The following PAK3 variants were observed in gnomAD, a reference collection of about 807,000 sequenced individuals.
PAK3 encodes the protein p21 (RAC1) activated kinase 3, also known as serine/threonine-protein kinase PAK 3.
PAK3 carries 4 observed loss-of-function variants against 41.0 expected under a neutral mutation model. The ratio of observed to expected loss-of-function variants is 0.10; its 90% confidence interval spans 0.05 to 0.22. The LOEUF (loss-of-function observed/expected upper bound fraction) is 0.22, where lower values mean the gene tolerates loss of function less well. PAK3 is among the 10% of genes least tolerant of loss of function. PAK3 has a pLI of 1.00. For missense variants in PAK3, 205 were observed against 409.9 expected, an observed-to-expected ratio of 0.50 and a Z score of 4.32; for synonymous variants, 146 against 139.6, an observed-to-expected ratio of 1.05 and a Z score of -0.32.
At chrX:111,201,135 CTGTA>C (rs1233091358) in intron 16 of PAK3, among the ~76,000 whole-genome samples, 1 of 112,436 alleles carries the variant, frequency 8.9e-6, no homozygotes, top group African/African-American at 3.2e-5. Flanking sequence ...TCATTACTCT[CTGTA>C]TGTGTGATCA....
intron 1 of PAK3, among the ~76,000 whole-genome samples, chrX:111,096,909 C>CACAA (rs1319991693): frequency 2.8e-5 from 3 of 109,080 alleles, no homozygotes; most frequent in Non-Finnish European, 5.8e-5. Context: ...CACACACACA[C>CACAA]ACGAGGAAAG....
chrX:111,109,103 G>A (rs780199895), intron 4 of PAK3, among the ~76,000 whole-genome samples: 1 of 111,792 alleles, frequency 8.9e-6, no homozygotes, highest in Non-Finnish European at 1.9e-5. Flanking sequence ...CTAAGATCAA[G>A]TGAAGAGAAA....
chrX:111,141,693 T>G (rs2093874858), intron 5 of PAK3, among the ~76,000 whole-genome samples: 1 of 112,074 alleles, frequency 8.9e-6, no homozygotes, highest in Non-Finnish European at 1.9e-5. Flanking sequence ...ATATCTTTAT[T>G]GAAAGCTGAA....
rs756420043 is a variant in PAK3, at chrX:111,219,886, AT to A, written c.1546-471del. Among the ~76,000 whole-genome samples, 293 of 111,684 alleles carry A rather than the reference AT, an allele frequency of 2.6e-3. 2 individuals carry two copies. The highest frequency in any genetic ancestry group is 9.1e-3 in the African/African-American group (279 of 30,749). On this transcript the variant is annotated intron_variant, in intron 17 of 17. Transcript: ENST00000372007. ...GTCACAGGCTTCTGAGGCAAAAAAA[AT>A]AAATTAAAAAAATTCAAAGAAGGAA...
intron 1 of PAK3, among the ~76,000 whole-genome samples, chrX:111,056,713 A>C (rs1445581013): frequency 8.9e-6 from 1 of 112,255 alleles, no homozygotes; most frequent in Non-Finnish European, 1.9e-5. Context: ...AAATTGCTAC[A>C]TAATGTGGCA....
intron 1 of PAK3, among the ~76,000 whole-genome samples, chrX:111,047,986 G>GA (rs199593589): frequency 3.6e-5 from 4 of 110,802 alleles, no homozygotes; most frequent in East Asian, 2.9e-4. Flanking sequence ...ACACTGTCTA[G>GA]AAAAAAAAGT....
Position 111,207,027 on chromosome X carries a change from G to A in PAK3, c.1408-9394G>A, listed in dbSNP as rs535599326. Among the ~76,000 whole-genome samples, 5 of 109,552 alleles carry A rather than the reference G, an allele frequency of 4.6e-5. No individual in the cohort carries two copies. The Admixed American group carries it at 4.9e-4, about 11-fold the overall frequency. On this transcript the variant is annotated intron_variant, in intron 16 of 17. Coordinates refer to ENST00000372007, the MANE Select transcript of PAK3 (RefSeq NM_002578.5). ...AGAATCAGATTAGGAGTCAGTTGCA[G>A]GCAACAACCAGCTGCATATAAACCT...
chrX:111,107,725 C>T (rs1197062812), intron 4 of PAK3, among the ~76,000 whole-genome samples: 1 of 111,927 alleles, frequency 8.9e-6, no homozygotes, highest in Non-Finnish European at 1.9e-5. Context: ...CAACTCCCTG[C>T]CATTAGATTG....
chrX:111,164,777 G>A (rs1478043816), intron 10 of PAK3, among the ~76,000 whole-genome samples: 1 of 112,072 alleles, frequency 8.9e-6, no homozygotes, highest in African/African-American at 3.2e-5. Context: ...ACAATAGAAT[G>A]AAACTTTCCT....
At chrX:111,145,140 C>T (rs1033502079) in intron 6 of PAK3, among the ~76,000 whole-genome samples, 6 of 111,796 alleles carry the variant, frequency 5.4e-5, no homozygotes, top group African/African-American at 1.3e-4. Context: ...AGTTCCTCAA[C>T]GTGGCATAAT....
At chrX:111,105,197 T>A (rs2093231346) in intron 4 of PAK3, among the ~76,000 whole-genome samples, 1 of 111,517 alleles carries the variant, frequency 9.0e-6, no homozygotes, top group Non-Finnish European at 1.9e-5. Flanking sequence ...TTCATATTGA[T>A]GCACACAACA....
intron 17 of PAK3, chrX:111,216,805 G>GAA: frequency 1.8e-4 from 49 of 271,741 alleles, no homozygotes; most frequent in Non-Finnish European, 2.2e-4. Flanking sequence ...ATTTTGCAAG[G>GAA]AAAAAAAAAA....
At chrX:110,976,061 A>G (rs2091321410) in intron 1 of PAK3, among the ~76,000 whole-genome samples, 1 of 112,380 alleles carries the variant, frequency 8.9e-6, no homozygotes, top group African/African-American at 3.2e-5. Flanking sequence ...CAAGGACTTC[A>G]TGACAAAAAC....
chrX:111,089,994 A>G (rs1330727963), intron 1 of PAK3, among the ~76,000 whole-genome samples: 1 of 110,756 alleles, frequency 9.0e-6, no homozygotes, highest in Admixed American at 9.7e-5. Context: ...AGTCTGTCCT[A>G]GGAATTTCTA....
chrX:111,165,315 A>G (rs1159346425), intron 10 of PAK3, among the ~76,000 whole-genome samples: 1 of 111,775 alleles, frequency 8.9e-6, no homozygotes, highest in Non-Finnish European at 1.9e-5. Context: ...AGCAGTAATA[A>G]TTCTCATTTA....
chrX:111,197,557 C>A (rs2094629871), intron 16 of PAK3, among the ~76,000 whole-genome samples: 1 of 112,161 alleles, frequency 8.9e-6, no homozygotes, highest in Non-Finnish European at 1.9e-5. Context: ...AATGGGATTG[C>A]TGAATTGAAT....
chrX:111,091,350 A>G (rs2092927700), upstream of PAK3, among the ~76,000 whole-genome samples: 1 of 111,638 alleles, frequency 9.0e-6, no homozygotes. Context: ...AAGGAGATGT[A>G]TAGCTCAGAA....
At chrX:111,066,779 T>C (rs1256349139) in intron 1 of PAK3, among the ~76,000 whole-genome samples, 1 of 112,300 alleles carries the variant, frequency 8.9e-6, no homozygotes, top group African/African-American at 3.2e-5. Context: ...AAGCATATAG[T>C]CCGTATTGTG....
At chrX:111,088,677 C>A (rs1269016832) in intron 1 of PAK3, among the ~76,000 whole-genome samples, 2 of 111,868 alleles carry the variant, frequency 1.8e-5, no homozygotes, top group Non-Finnish European at 3.8e-5. Flanking sequence ...TATAGTCCCA[C>A]AAACTCAAAT....
Sources: allele counts gnomAD v4.1 joint callset (sites outside exome capture counted in the v4.1 genomes callset), GRCh38; gene constraint gnomAD v4.1.1; transcripts MANE v1.5; gene names NCBI Gene and HGNC (gene_info 2026-07-23, HGNC 2026-07-21).